The following DDX50 variants were observed in gnomAD, a reference collection of about 807,000 sequenced individuals.
DDX50 encodes the protein ATP-dependent RNA helicase DDX50.
DDX50 carries 56 observed loss-of-function variants against 94.8 expected under a neutral mutation model. The ratio of observed to expected loss-of-function variants is 0.59; its 90% CI spans 0.48 to 0.74. The LOEUF is 0.74. DDX50 is among the 30% of genes least tolerant of loss of function. The pLI, the probability that DDX50 is intolerant of heterozygous loss-of-function variation, is 0.00. For synonymous variants in DDX50, 264 were observed against 295.4 expected, an observed-to-expected ratio of 0.89 and a Z score of 1.09; for missense variants, 713 against 881.2, an observed-to-expected ratio of 0.81 and a Z score of 2.42.
intron 7 of DDX50, among the ~76,000 whole-genome samples, 172 bp from the exon 8 acceptor site, chr10:68,919,660 C>T (rs1230635595): frequency 6.6e-6 from 1 of 152,056 alleles, no homozygotes; most frequent in African/African-American, 2.4e-5. Context: ...ATTCTTTCGT[C>T]AGTTTATTGA....
intron 8 of DDX50, among the ~76,000 whole-genome samples, chr10:68,928,733 C>T (rs536329311): frequency 6.6e-6 from 1 of 152,268 alleles, no homozygotes; most frequent in South Asian, 2.1e-4. Context: ...ACACACCAAC[C>T]TTTATGTTCC....
chr10:68,921,251 C>T (rs1333352425), intron 8 of DDX50, among the ~76,000 whole-genome samples: 1 of 151,396 alleles, frequency 6.6e-6, no homozygotes, highest in Non-Finnish European at 1.5e-5. Flanking sequence ...ATTCATTTCA[C>T]ATTATCAATT....
rs1275942891 is a variant in DDX50 at position 68,934,153 on chromosome 10, G to C, written c.1240-46G>C. The C allele has an allele frequency of 1.3e-6, 2 of 1,558,524 alleles. No individual in the cohort carries two copies. Among genetic ancestry groups the C allele is most frequent in the East Asian group, 4.6e-5 (2 of 43,768 alleles). ...ACTAGATGTTGTTGTGCTATCAGTT[G>C]CAAGTATGAGCTGTACACTTAATTT... On this transcript the variant is annotated intron_variant, in intron 8 of 14. Transcript: ENST00000373585. The surrounding 1 kb of genome is among the most constrained non-coding windows in gnomAD (Gnocchi z 4.0).
chr10:68,923,111 TAAAA>T (rs71474455), intron 8 of DDX50, among the ~76,000 whole-genome samples: 4 of 114,450 alleles, frequency 3.5e-5, no homozygotes, highest in African/African-American at 1.4e-4. Flanking sequence ...CCCTTTCTCT[TAAAA>T]AAAAAAAAAA....
intron 7 of DDX50, among the ~76,000 whole-genome samples, chr10:68,918,065 C>T (rs1841848000): frequency 6.6e-6 from 1 of 152,058 alleles, no homozygotes; most frequent in African/African-American, 2.4e-5. Context: ...GCTGGGATTA[C>T]AGGCGTCTGC....
At chr10:68,935,180 C>T (rs1222296556) in intron 10 of DDX50, among the ~76,000 whole-genome samples, 1 of 31,944 alleles carries the variant, frequency 3.1e-5, no homozygotes, top group African/African-American at 1.8e-4. Flanking sequence ...ATTGTGATTT[C>T]AGTACTTCTT....
intron 8 of DDX50, among the ~76,000 whole-genome samples, chr10:68,931,712 A>G (rs925249529): frequency 2.6e-5 from 4 of 151,936 alleles, no homozygotes; most frequent in Non-Finnish European, 5.9e-5. Flanking sequence ...GGCATGAGCC[A>G]CTGTGCCTGG....
Position 68,943,228 on chromosome 10 carries a change from G to A in DDX50, c.1906G>A (p.Val636Ile), listed in dbSNP as rs774369784. 6.2e-6 allele frequency: 10 copies of A among 1,608,236 alleles called. No individual in the cohort carries two copies. In the Admixed American group the frequency reaches 1.4e-4, roughly 22 times the overall value. ...TTGCTTTTAGGGTGTTTGCTTTGAT[G>A]TTCCTACAACTGAGTCAGAAAGGTT... is the stretch of plus-strand genomic sequence containing the variant. ...LKGNMGVCFDVPTTESERLQA... is the reference protein window; with the variant it reads ...LKGNMGVCFDIPTTESERLQA... The change falls in exon 14 of 15, where the codon GTT becomes ATT. Residue 636 changes from valine to isoleucine, a missense_variant. By Grantham distance (29) the Val-to-Ile change is conservative. Coordinates refer to ENST00000373585, the MANE Select transcript of DDX50 (RefSeq NM_024045.2).
At position 68,913,232 on chromosome 10, in the gene DDX50, A is replaced by G; in HGVS notation, c.710A>G (p.Lys237Arg). Reference protein sequence around the residue: ...VAKDFKDITRKLSVACFYGGT... With the variant: ...VAKDFKDITRRLSVACFYGGT... Reference sequence around the variant, plus strand: ...AAAGACTTCAAAGATATAACTAGGAAACTCAGCGTGGCGTGTTTTTATGGT... The same window carrying G: ...AAAGACTTCAAAGATATAACTAGGAGACTCAGCGTGGCGTGTTTTTATGGT... The change falls in exon 5 of 15, where the codon AAA (lysine) becomes AGA (arginine). Residue 237 changes from lysine (K) to arginine (R), a missense_variant. Physicochemically the swap from Lys to Arg is conservative, Grantham distance 26. Coordinates refer to ENST00000373585, the MANE Select transcript of DDX50 (RefSeq NM_024045.2). The G allele has an allele frequency of 6.2e-7, 1 of 1,613,554 alleles. No individual in the cohort carries two copies. The highest frequency in any genetic ancestry group is 8.5e-7 in the Non-Finnish European group (1 of 1,179,908).
chr10:68,935,473 G>A (rs1842381128), intron 10 of DDX50, among the ~76,000 whole-genome samples: 1 of 151,218 alleles, frequency 6.6e-6, no homozygotes, highest in South Asian at 2.1e-4. Context: ...TTCCATGATT[G>A]TAACTAAGGG....
chr10:68,925,472 T>G (rs568944289), intron 8 of DDX50, among the ~76,000 whole-genome samples: 3 of 152,308 alleles, frequency 2.0e-5, no homozygotes, highest in East Asian at 3.9e-4. Context: ...GTGTCATCTG[T>G]GGATTTTTAG....
At chr10:68,942,180 C>A (rs187684875) in intron 13 of DDX50, among the ~76,000 whole-genome samples, 66 of 152,224 alleles carry the variant, frequency 4.3e-4, no homozygotes, top group African/African-American at 1.5e-3. Flanking sequence ...TTTTAAATGG[C>A]CTGCTCTTTG....
intron 4 of DDX50, 88 bp from the exon 5 acceptor site, chr10:68,913,074 T>C: frequency 9.7e-7 from 1 of 1,030,336 alleles, no homozygotes; most frequent in Non-Finnish European, 1.4e-6. Flanking sequence ...ATTCCTGGTT[T>C]TAAATGCACC....
In DDX50 at chr10:68,906,734, C is replaced by A. The variant is rs143900029; in HGVS notation, c.111C>A (p.His37Gln). 7.7e-5 allele frequency: 124 copies of A among 1,611,126 alleles called. No homozygotes were observed. The highest frequency in any genetic ancestry group is 1.0e-4 in the Non-Finnish European group (121 of 1,179,476). ...RQKSDRRKSR[H>Q]HYDSDEKSET... ...AGAGTGACAGAAGGAAGTCAAGGCA[C>A]CATTATGACTCGGATGAGAAATCAG... Residue 37 changes from histidine (H) to glutamine (Q), a missense_variant, in exon 2 of 15, where the codon CAC (histidine) becomes CAA (glutamine). Physicochemically the swap from His to Gln is conservative, Grantham distance 24 (BLOSUM62 0). Coordinates refer to ENST00000373585, the MANE Select transcript of DDX50 (RefSeq NM_024045.2).
chr10:68,917,375 G>T (rs1191060431), intron 7 of DDX50, among the ~76,000 whole-genome samples: 2 of 152,018 alleles, frequency 1.3e-5, no homozygotes, highest in South Asian at 4.1e-4. Context: ...AAGAAGAATC[G>T]CTTGAACCAG....
intron 2 of DDX50, among the ~76,000 whole-genome samples, chr10:68,907,317 C>CTTTTTTT (rs59316500): frequency 6.1e-5 from 8 of 130,490 alleles, no homozygotes; most frequent in African/African-American, 1.1e-4. Context: ...TTTCTTTTTT[C>CTTTTTTT]TTTTTTTTTT....
At chr10:68,922,301 T>C (rs970579467) in intron 8 of DDX50, among the ~76,000 whole-genome samples, 6 of 152,218 alleles carry the variant, frequency 3.9e-5, no homozygotes, top group Non-Finnish European at 7.3e-5. Flanking sequence ...TAGCTGGGAC[T>C]GTAGGCATGC....
At chr10:68,931,072 T>A in intron 8 of DDX50, among the ~76,000 whole-genome samples, 1 of 152,178 alleles carries the variant, frequency 6.6e-6, no homozygotes, top group East Asian at 1.9e-4. Context: ...TGTCCTCTTA[T>A]AAAGCCTCAT....
At chr10:68,912,235 A>G (rs145440404) in intron 4 of DDX50, among the ~76,000 whole-genome samples, 20 of 152,078 alleles carry the variant, frequency 1.3e-4, no homozygotes, top group African/African-American at 4.6e-4. Context: ...TTTTAAAGAC[A>G]GGGTCTCTCT....
Sources: allele counts gnomAD v4.1 joint callset (sites outside exome capture counted in the v4.1 genomes callset), GRCh38; gene constraint gnomAD v4.1.1; non-coding constraint Gnocchi (gnomAD v3.1); transcripts MANE v1.5; gene names NCBI Gene and HGNC (gene_info 2026-07-23, HGNC 2026-07-21).